The following PCDHGA2 variants were observed in gnomAD, a reference collection of about 807,000 sequenced individuals.
The protein encoded by PCDHGA2 is protocadherin gamma-A2.
Under a neutral mutation model 59.2 loss-of-function variants are expected in PCDHGA2, and 40 were observed. The ratio of observed to expected loss-of-function variants is 0.68; its 90% CI spans 0.52 to 0.88. The LOEUF is 0.88. Among genes scored for constraint, PCDHGA2 ranks in the 40% least tolerant of loss-of-function variants. The pLI is 0.00. For missense variants in PCDHGA2, 1,226 were observed against 1,204.0 expected, an observed-to-expected ratio of 1.02 and a Z score of -0.27; for synonymous variants, 560 against 526.0, an observed-to-expected ratio of 1.06 and a Z score of -0.89.
intron 1 of PCDHGA2, chr5:141,412,995 T>G: frequency 1.7e-6 from 1 of 572,718 alleles, no homozygotes. Flanking sequence ...TCAATCCGGA[T>G]TCTCAGGGCT....
At chr5:141,378,377 G>A (rs1488267882) in intron 1 of PCDHGA2, 1 of 152,208 alleles carries the variant, frequency 6.6e-6, no homozygotes, top group African/African-American at 2.4e-5. Flanking sequence ...ACAAAAATTA[G>A]CCAGGTGGGG....
intron 1 of PCDHGA2, chr5:141,422,152 G>A (rs979405624): frequency 1.3e-5 from 20 of 1,575,764 alleles, no homozygotes; most frequent in Non-Finnish European, 1.5e-5. Flanking sequence ...GGGGTCTCTG[G>A]ATTTTGAAAA....
intron 1 of PCDHGA2, among the ~76,000 whole-genome samples, chr5:141,460,709 A>G (rs2098995845): frequency 6.6e-6 from 1 of 151,794 alleles, no homozygotes; most frequent in Non-Finnish European, 1.5e-5. Flanking sequence ...ATGAGAATAA[A>G]CTATTGTTAT....
At chr5:141,407,505 T>TTTTTTTTTTTTTTTTTTTTTTGAG (rs1460306566) in intron 1 of PCDHGA2, among the ~76,000 whole-genome samples, 1 of 152,148 alleles carries the variant, frequency 6.6e-6, no homozygotes, top group African/African-American at 2.4e-5. Context: ...CTGTTTTTCT[T>TTTTTTTTTTTTTTTTTTTTTTGAG]AGGCTATGTA....
intron 1 of PCDHGA2, among the ~76,000 whole-genome samples, chr5:141,480,768 A>G (rs1371582817): frequency 6.6e-6 from 1 of 152,162 alleles, no homozygotes; most frequent in African/African-American, 2.4e-5. Flanking sequence ...TCCCCACTTG[A>G]TCCTAATGTG....
chr5:141,409,438 A>G (rs1459982502), intron 1 of PCDHGA2: 2 of 1,613,984 alleles, frequency 1.2e-6, no homozygotes, highest in Non-Finnish European at 1.7e-6. Flanking sequence ...CCCTGGACCG[A>G]GAGCAGACAC....
At chr5:141,351,989 G>A (rs761825346) in intron 1 of PCDHGA2, 1 of 1,611,288 alleles carries the variant, frequency 6.2e-7, no homozygotes, top group Admixed American at 1.7e-5. Context: ...GGTGCCACGC[G>A]CCGCAGAGCC....
intron 1 of PCDHGA2, among the ~76,000 whole-genome samples, chr5:141,455,803 A>G (rs1197986124): frequency 6.6e-6 from 1 of 152,068 alleles, no homozygotes; most frequent in Non-Finnish European, 1.5e-5. Context: ...TGCTTTAAAA[A>G]ATGAAAACTT....
At chr5:141,424,956 T>A (rs1435882776) in intron 1 of PCDHGA2, among the ~76,000 whole-genome samples, 1 of 152,176 alleles carries the variant, frequency 6.6e-6, no homozygotes, top group African/African-American at 2.4e-5. Context: ...TTCTAGGTAT[T>A]TGCCCCAAAT....
chr5:141,375,992 G>A (rs1277276450), intron 1 of PCDHGA2: 9 of 1,613,328 alleles, frequency 5.6e-6, no homozygotes, highest in Admixed American at 1.7e-5. Flanking sequence ...GGACAGAGAC[G>A]CGCTCAAGCA....
chr5:141,473,033 GGAAA>G (rs1282468299), intron 1 of PCDHGA2, among the ~76,000 whole-genome samples: 6 of 146,356 alleles, frequency 4.1e-5, no homozygotes, highest in South Asian at 2.2e-4. Flanking sequence ...AAGGAAGGAA[GGAAA>G]GAAAGAAAGA....
chr5:141,364,444 G>T (rs763812154), intron 1 of PCDHGA2: 10 of 1,613,956 alleles, frequency 6.2e-6, no homozygotes, highest in Non-Finnish European at 8.5e-6. Context: ...TGCCGGAGGA[G>T]CTGGACAAAG....
intron 1 of PCDHGA2, among the ~76,000 whole-genome samples, chr5:141,436,010 A>G (rs1188507054): frequency 6.6e-6 from 1 of 152,168 alleles, no homozygotes; most frequent in Non-Finnish European, 1.5e-5. Context: ...AAGTATTTGA[A>G]TTTATCTAAA....
intron 1 of PCDHGA2, among the ~76,000 whole-genome samples, chr5:141,480,299 C>T: frequency 7.5e-6 from 1 of 132,466 alleles, no homozygotes; most frequent in Non-Finnish European, 1.6e-5. Flanking sequence ...CCTGTGGTAC[C>T]AGCTACTTGG....
chr5:141,487,001 C>T lies in PCDHGA2; in HGVS notation c.2425-7806C>T. ...TTACAATGCTTGGGTTTCCTATCAG[C>T]TCCTGGAGGCCCCAGATCCCAGCCT... On this transcript the variant is annotated intron_variant, in intron 1 of 3. Transcript: ENST00000394576. This position sits in a 1 kb window ranked among gnomAD's most constrained non-coding sequence, Gnocchi z 5.0. 6.2e-7 allele frequency: 1 copy of T among 1,614,218 alleles called. No individual in the cohort carries two copies. The highest frequency in any genetic ancestry group is 8.5e-7 in the Non-Finnish European group (1 of 1,180,038).
intron 3 of PCDHGA2, among the ~76,000 whole-genome samples, chr5:141,507,772 A>C (rs2099863177): frequency 6.6e-6 from 1 of 152,332 alleles, no homozygotes; most frequent in South Asian, 2.1e-4. Flanking sequence ...TGGCCCACAC[A>C]GGGCCTGACC....
At chr5:141,419,017 A>G (rs1478763916) in intron 1 of PCDHGA2, 4 of 1,613,928 alleles carry the variant, frequency 2.5e-6, no homozygotes, top group Non-Finnish European at 3.4e-6. Flanking sequence ...GGTGTAGCTT[A>G]AGTAGAGGTG....
intron 1 of PCDHGA2, chr5:141,427,456 G>C (rs1172525843): frequency 2.0e-6 from 1 of 492,524 alleles, no homozygotes; most frequent in African/African-American, 1.9e-5. Flanking sequence ...GTTCCTTTTA[G>C]AATCGAATCT....
At chr5:141,374,679 C>CAAGT (rs755200801) in intron 1 of PCDHGA2, 1 of 1,610,324 alleles carries the variant, frequency 6.2e-7, no homozygotes, top group Admixed American at 1.7e-5. Context: ...CTGGAGGGCA[C>CAAGT]ACTGGACCGG....
Sources: gnomAD v4.1 joint callset for allele counts (sites outside exome capture counted in the v4.1 genomes callset) on GRCh38, gnomAD v4.1.1 for gene constraint, Gnocchi (gnomAD v3.1) non-coding constraint, MANE v1.5 for transcripts, NCBI Gene and HGNC (gene_info 2026-07-23, HGNC 2026-07-21) for gene names.